The following CSMD1 variants were observed in gnomAD, a reference collection of about 807,000 sequenced individuals.
CSMD1 encodes the protein CUB and Sushi multiple domains 1.
Under a neutral mutation model 417.5 loss-of-function variants are expected in CSMD1, and 213 were observed. The observed-to-expected ratio is 0.51, with a 90% CI of 0.46 to 0.57. The LOEUF (loss-of-function observed/expected upper bound fraction) is 0.57. CSMD1 is among the 20% of genes least tolerant of loss of function. The pLI, the probability that CSMD1 is intolerant of heterozygous loss-of-function variation, is 0.00. For synonymous variants in CSMD1, 2,862 were observed against 1,736.8 expected (o/e 1.65, Z -16.11); for missense variants, 6,923 against 4,529.7 (o/e 1.53, Z -15.17).
intron 3 of CSMD1, among the ~76,000 whole-genome samples, chr8:4,185,138 CAAAAAAAAA>C (rs56216926): frequency 4.0e-5 from 3 of 75,120 alleles, no homozygotes; most frequent in African/African-American, 1.6e-4. Context: ...AATTTTGCCT[CAAAAAAAAA>C]AAAAAAAAAA....
intron 3 of CSMD1, among the ~76,000 whole-genome samples, chr8:4,161,153 T>C (rs555649768): frequency 1.3e-5 from 2 of 151,602 alleles, no homozygotes; most frequent in African/African-American, 2.4e-5. Context: ...TAAGACATGA[T>C]AAAAGTTCAG....
At chr8:4,684,995 C>A (rs1393874745) in intron 1 of CSMD1, among the ~76,000 whole-genome samples, 2 of 152,114 alleles carry the variant, frequency 1.3e-5, no homozygotes, top group African/African-American at 4.8e-5. Context: ...AAAAGTGACA[C>A]TAACATAGAA....
chr8:3,639,814 T>C (rs969890330), intron 7 of CSMD1, among the ~76,000 whole-genome samples: 3 of 152,216 alleles, frequency 2.0e-5, no homozygotes, highest in Non-Finnish European at 2.9e-5. Flanking sequence ...TTCAGGGCAA[T>C]GGACCTAAAG....
chr8:3,644,689 C>T (rs1029809175), intron 7 of CSMD1, among the ~76,000 whole-genome samples: 12 of 152,060 alleles, frequency 7.9e-5, no homozygotes, highest in Non-Finnish European at 1.8e-4. Flanking sequence ...AGACCCAGAG[C>T]CAGTGAATGA....
intron 52 of CSMD1, among the ~76,000 whole-genome samples, chr8:3,008,701 C>A (rs926577962): frequency 6.6e-6 from 1 of 152,142 alleles, no homozygotes; most frequent in East Asian, 1.9e-4. Flanking sequence ...ATCTTACTGG[C>A]AGACAGGATT....
chr8:4,823,561 T>C (rs554744886), intron 1 of CSMD1, among the ~76,000 whole-genome samples: 29 of 152,206 alleles, frequency 1.9e-4, no homozygotes, highest in East Asian at 1.2e-3. Flanking sequence ...CCTCGTAGTA[T>C]ATGAGCCCAG....
chr8:4,153,568 G>A (rs929157982), intron 3 of CSMD1, among the ~76,000 whole-genome samples: 2 of 152,200 alleles, frequency 1.3e-5, no homozygotes, highest in Non-Finnish European at 2.9e-5. Flanking sequence ...GCAATCATGG[G>A]AAATGCTGCA....
At chr8:3,120,573 G>A (rs1307851164) in intron 41 of CSMD1, among the ~76,000 whole-genome samples, 2 of 152,204 alleles carry the variant, frequency 1.3e-5, no homozygotes, top group Admixed American at 6.5e-5. Flanking sequence ...TGCAGGCTGG[G>A]CTCGGTGGCT....
rs570133564 is a variant in CSMD1 at position 3,900,744 on chromosome 8, C to T, written c.818+97159G>A. Among the ~76,000 whole-genome samples the T allele has an allele frequency of 2.7e-5, 4 of 150,056 alleles. No homozygotes were observed. In the East Asian group the frequency reaches 8.1e-4, roughly 30 times the overall value. ...TGGGTGACACTATAGCTAGCTGCCA[C>T]CGCAACTGGGTGACAGTACAGCTGG... On this transcript the variant is annotated intron_variant, in intron 5 of 69. Transcript: ENST00000635120.
intron 3 of CSMD1, among the ~76,000 whole-genome samples, chr8:4,214,534 G>A (rs1800516661): frequency 6.6e-6 from 1 of 152,184 alleles, no homozygotes; most frequent in African/African-American, 2.4e-5. Flanking sequence ...CTGAGCTCAT[G>A]CAGTCTGTCT....
intron 10 of CSMD1, among the ~76,000 whole-genome samples, chr8:3,539,397 T>G (rs562401281): frequency 1.3e-5 from 2 of 152,192 alleles, no homozygotes; most frequent in South Asian, 2.1e-4. Context: ...TATTATTTGT[T>G]TCCAGGCTAA....
intron 12 of CSMD1, among the ~76,000 whole-genome samples, chr8:3,463,800 C>T (rs778676549): frequency 1.6e-4 from 25 of 152,172 alleles, no homozygotes; most frequent in Non-Finnish European, 3.1e-4. Flanking sequence ...TCAAAAGTTC[C>T]GTCTGCCAAG....
intron 7 of CSMD1, among the ~76,000 whole-genome samples, chr8:3,663,482 A>C (rs1321337600): frequency 6.6e-6 from 1 of 152,132 alleles, no homozygotes; most frequent in African/African-American, 2.4e-5. Context: ...TGTGAAAGGA[A>C]AATGAACCTC....
chr8:4,672,920 G>C (rs1048787699), intron 1 of CSMD1, among the ~76,000 whole-genome samples: 1 of 151,730 alleles, frequency 6.6e-6, no homozygotes, highest in African/African-American at 2.4e-5. Flanking sequence ...TCACAAACAT[G>C]GCGACATACA....
chr8:2,960,913 T>C (rs1803399708), intron 62 of CSMD1, among the ~76,000 whole-genome samples: 1 of 144,088 alleles, frequency 6.9e-6, no homozygotes, highest in African/African-American at 2.5e-5. Context: ...AAATTATGCA[T>C]TATTCCATTA....
At chr8:3,985,389 G>A (rs1814242507) in intron 5 of CSMD1, among the ~76,000 whole-genome samples, 1 of 152,128 alleles carries the variant, frequency 6.6e-6, no homozygotes, top group Admixed American at 6.5e-5. Flanking sequence ...GAAAGTAAAT[G>A]AATATACATC....
At chr8:4,140,592 C>G (rs374137598) in intron 3 of CSMD1, among the ~76,000 whole-genome samples, 1 of 151,068 alleles carries the variant, frequency 6.6e-6, no homozygotes, top group South Asian at 2.1e-4. Context: ...TGCTTGAACC[C>G]AAGAGGTCAA....
At chr8:4,547,346 G>C (rs898203336) in intron 2 of CSMD1, among the ~76,000 whole-genome samples, 4 of 152,194 alleles carry the variant, frequency 2.6e-5, no homozygotes. Context: ...TGCCACAGCA[G>C]TGAACTTTCT....
chr8:3,563,442 T>TAAAAAAAAAAAA (rs60108067), intron 10 of CSMD1, among the ~76,000 whole-genome samples: 1 of 62,768 alleles, frequency 1.6e-5, no homozygotes, highest in Non-Finnish European at 3.1e-5. Context: ...TATTAAAAGG[T>TAAAAAAAAAAAA]AAAAAAAAAA....
Sources: gnomAD v4.1 joint callset for allele counts (sites outside exome capture counted in the v4.1 genomes callset) on GRCh38, gnomAD v4.1.1 for gene constraint, MANE v1.5 for transcripts, NCBI Gene and HGNC (gene_info 2026-07-23, HGNC 2026-07-21) for gene names.